The following MTA3 variants were observed in gnomAD, a reference collection of about 807,000 sequenced individuals.
The protein encoded by MTA3 is metastasis associated 1 family member 3.
MTA3 carries 34 observed loss-of-function variants against 83.5 expected under a neutral mutation model. That is an observed-to-expected ratio of 0.41 (90% CI 0.31 to 0.54). The LOEUF is 0.54. MTA3 is among the 20% of genes least tolerant of loss of function. MTA3 has a pLI of 0.33. For synonymous variants in MTA3, 303 were observed against 252.7 expected (o/e 1.20, Z -1.89); for missense variants, 761 against 726.4 (o/e 1.05, Z -0.55).
At chr2:42,525,784 A>G (rs936531439) in intron 2 of MTA3, among the ~76,000 whole-genome samples, 1 of 151,518 alleles carries the variant, frequency 6.6e-6, no homozygotes, top group Non-Finnish European at 1.5e-5. Flanking sequence ...CAGCCTCTCA[A>G]GAAGCTGGGA....
intron 2 of MTA3, among the ~76,000 whole-genome samples, chr2:42,498,737 A>T (rs1317161786): frequency 6.6e-6 from 1 of 152,210 alleles, no homozygotes; most frequent in Non-Finnish European, 1.5e-5. Flanking sequence ...GCAGCAGCTC[A>T]TCAGAAAAGA....
intron 2 of MTA3, among the ~76,000 whole-genome samples, chr2:42,549,000 C>T (rs1429870626): frequency 7.5e-6 from 1 of 133,364 alleles, no homozygotes; most frequent in Non-Finnish European, 1.5e-5. Flanking sequence ...CATGGAGAAA[C>T]CCCATTTCTA....
At chr2:42,597,958 A>G (rs1682035034) in intron 3 of MTA3, among the ~76,000 whole-genome samples, 2 of 152,332 alleles carry the variant, frequency 1.3e-5, no homozygotes, top group South Asian at 4.1e-4. Flanking sequence ...TTAGGATTAC[A>G]GGCATGAGCC....
rs1225945815 is a variant in MTA3 at position 42,756,390 on chromosome 2, C to G, written c.*2991C>G. On this transcript the variant is annotated 3_prime_UTR_variant, in exon 17 of 17. Transcript: ENST00000405094. The stretch of plus-strand genomic sequence containing the variant: ...GTGAAACCCAGTTGGAAGCAGCTGC[C>G]CTGGGAGCCTGGGACAGGCGACCCA... 3.4e-6 allele frequency: 3 copies of G among 876,044 alleles called. No homozygotes were observed. The highest frequency in any genetic ancestry group is 1.2e-4 in the Admixed American group (2 of 16,138). The allele number at this position is 876,044 out of a possible 1,614,324, so 54.3% of individuals were successfully genotyped here.
chr2:42,741,909 T>C (rs2104584551), intron 16 of MTA3, among the ~76,000 whole-genome samples: 1 of 152,282 alleles, frequency 6.6e-6, no homozygotes, highest in East Asian at 1.9e-4. Context: ...AAAAATGGTG[T>C]CAATAGACTT....
chr2:42,746,015 T>C (rs2104593864), intron 16 of MTA3, among the ~76,000 whole-genome samples: 1 of 152,028 alleles, frequency 6.6e-6, no homozygotes, highest in East Asian at 2.0e-4. Context: ...GGTTTCACCA[T>C]GTTAGCCAGG....
chr2:42,708,146 A>G (rs1666260083), intron 13 of MTA3, 92 bp downstream of exon 13: 1 of 1,296,164 alleles, frequency 7.7e-7, no homozygotes, highest in South Asian at 2.0e-5. Flanking sequence ...GATAATTAAA[A>G]AATGAAGAAA....
chr2:42,659,603 A>G, intron 7 of MTA3, 160 bp from the exon 8 acceptor site: 2 of 405,790 alleles, frequency 4.9e-6, no homozygotes, highest in Non-Finnish European at 8.5e-6. Flanking sequence ...TATAGAGTGA[A>G]AATTCTTTTT....
chr2:42,640,583 A>G (rs149827923), intron 5 of MTA3, among the ~76,000 whole-genome samples: 1 of 152,244 alleles, frequency 6.6e-6, no homozygotes, highest in African/African-American at 2.4e-5. Context: ...TATTTCTTGA[A>G]TAAATGGTTT....
chr2:42,599,102 G>A (rs990057546), intron 3 of MTA3, among the ~76,000 whole-genome samples: 1 of 152,162 alleles, frequency 6.6e-6, no homozygotes, highest in South Asian at 2.1e-4. Flanking sequence ...GGTGGCTAAT[G>A]TCCCATATCC....
intron 9 of MTA3, among the ~76,000 whole-genome samples, chr2:42,688,502 C>T (rs753268811): frequency 6.6e-6 from 1 of 152,130 alleles, no homozygotes; most frequent in Non-Finnish European, 1.5e-5. Flanking sequence ...TGTTTCATTG[C>T]CCATCATATG....
At chr2:42,549,663 T>TATAATATATAATATATTATATACAC (rs1677022547) in intron 2 of MTA3, among the ~76,000 whole-genome samples, 4 of 128,972 alleles carry the variant, frequency 3.1e-5, no homozygotes, top group African/African-American at 1.2e-4. Flanking sequence ...ATTATATACA[T>TATAATATATAATATATTATATACAC]ATACATATAT....
At chr2:42,606,524 C>T (rs1185447340) in intron 3 of MTA3, among the ~76,000 whole-genome samples, 16 of 149,216 alleles carry the variant, frequency 1.1e-4, no homozygotes, top group Non-Finnish European at 1.9e-4. Context: ...GATGTGATGG[C>T]GGCTGGGAAG....
chr2:42,745,136 A>C (rs982896778), intron 16 of MTA3, among the ~76,000 whole-genome samples: 1 of 152,258 alleles, frequency 6.6e-6, no homozygotes, highest in Non-Finnish European at 1.5e-5. Flanking sequence ...TATTTTTATC[A>C]GCAACTATTT....
intron 4 of MTA3, among the ~76,000 whole-genome samples, chr2:42,633,685 A>C (rs373521199): frequency 3.3e-4 from 50 of 152,032 alleles, no homozygotes; most frequent in African/African-American, 1.2e-3. Flanking sequence ...AGGTCAGGAG[A>C]TCGAGACCAT....
rs570673106 is a variant in MTA3, at chr2:42,753,917, G to A, written c.*518G>A. 59 of 985,572 alleles carry A rather than the reference G, an allele frequency of 6.0e-5. No homozygotes were observed. The highest frequency in any genetic ancestry group is 3.0e-4 in the African/African-American group (17 of 57,092). The allele number at this position is 985,572 out of a possible 1,614,324, so 61.1% of individuals were successfully genotyped here. On this transcript the variant is annotated 3_prime_UTR_variant, in exon 17 of 17. Coordinates refer to ENST00000405094, the MANE Select transcript of MTA3 (RefSeq NM_001330442.2). ...GTATTTCCCTGTCCTTGCTGTTACCGTCACTCAGCTTTTTCTCGATAGGCT... is the reference window on the plus strand; with the variant it reads ...GTATTTCCCTGTCCTTGCTGTTACCATCACTCAGCTTTTTCTCGATAGGCT...
intron 16 of MTA3, among the ~76,000 whole-genome samples, chr2:42,744,237 A>G (rs1200903275): frequency 6.6e-6 from 1 of 152,210 alleles, no homozygotes; most frequent in Non-Finnish European, 1.5e-5. Context: ...ATCCAATTGC[A>G]TTCGGCATAA....
chr2:42,622,588 G>C lies in MTA3; in HGVS notation c.317+13004G>C, dbSNP rs570214149. Among the ~76,000 whole-genome samples the C allele has an allele frequency of 7.6e-4, 116 of 152,154 alleles. 1 individual carries two copies. Among genetic ancestry groups the C allele is most frequent in the African/African-American group, 2.7e-3 (111 of 41,506 alleles). ...CAACATGGTAAATGTTGATACATATGTATCCAACGTAAGTTCTTTGAGTAC... is the reference window on the plus strand; with the variant it reads ...CAACATGGTAAATGTTGATACATATCTATCCAACGTAAGTTCTTTGAGTAC... On this transcript the variant is annotated intron_variant, in intron 4 of 16. Transcript: ENST00000405094.
chr2:42,599,529 G>A (rs1558479717), intron 3 of MTA3, among the ~76,000 whole-genome samples: 2 of 152,052 alleles, frequency 1.3e-5, no homozygotes, highest in Admixed American at 6.6e-5. Context: ...GGTGGAGGTT[G>A]CAGTGAGCCG....
Sources: gnomAD v4.1 joint callset for allele counts (sites outside exome capture counted in the v4.1 genomes callset) on GRCh38, gnomAD v4.1.1 for gene constraint, MANE v1.5 for transcripts, NCBI Gene and HGNC (gene_info 2026-07-23, HGNC 2026-07-21) for gene names.